Variants in SRPK2 observed in about 807,000 individuals in gnomAD.
The protein encoded by SRPK2 is SFRS protein kinase 2.
Under a neutral mutation model 90.8 loss-of-function variants are expected in SRPK2, and 21 were observed. The observed-to-expected ratio is 0.23, with a 90% CI of 0.16 to 0.33. The LOEUF is 0.33. Ranked by LOEUF, SRPK2 falls within the 10% of genes least tolerant of loss-of-function variation. The pLI, the probability that SRPK2 is intolerant of heterozygous loss-of-function variation, is 1.00. For synonymous variants in SRPK2, 288 were observed against 311.1 expected, an observed-to-expected ratio of 0.93 and a Z score of 0.78; for missense variants, 620 against 869.0, an observed-to-expected ratio of 0.71 and a Z score of 3.60.
intron 2 of SRPK2, among the ~76,000 whole-genome samples, chr7:105,269,680 G>C (rs1805571650): frequency 6.6e-6 from 1 of 152,136 alleles, no homozygotes; most frequent in South Asian, 2.1e-4. Flanking sequence ...CAGACTAAAA[G>C]GGAAGGAAGG....
At chr7:105,359,150 C>CTTTTTTTTTTTTTTTTT (rs35765090) in intron 2 of SRPK2, among the ~76,000 whole-genome samples, 2 of 54,796 alleles carry the variant, frequency 3.6e-5, no homozygotes, top group East Asian at 1.4e-3. Context: ...CAAACCACAG[C>CTTTTTTTTTTTTTTTTT]TTTTTTTTTT....
At chr7:105,166,531 T>C (rs1239678741) in intron 6 of SRPK2, among the ~76,000 whole-genome samples, 2 of 152,226 alleles carry the variant, frequency 1.3e-5, no homozygotes, top group Non-Finnish European at 2.9e-5. Flanking sequence ...ATGGATCAAT[T>C]ATGGCCAGAC....
At chr7:105,348,013 T>G (rs1422934780) in intron 2 of SRPK2, among the ~76,000 whole-genome samples, 1 of 149,926 alleles carries the variant, frequency 6.7e-6, no homozygotes, top group Non-Finnish European at 1.5e-5. Context: ...TTCAAATTAG[T>G]CCATACCAGT....
At chr7:105,203,935 G>A in intron 2 of SRPK2, 150 bp from the exon 3 acceptor site, 2 of 996,692 alleles carry the variant, frequency 2.0e-6, no homozygotes, top group Non-Finnish European at 1.4e-6. Flanking sequence ...CATTTTAGTT[G>A]AATTCAAGTA....
chr7:105,119,696 A>C (rs1584844188), intron 15 of SRPK2, among the ~76,000 whole-genome samples: 1 of 152,192 alleles, frequency 6.6e-6, no homozygotes, highest in Non-Finnish European at 1.5e-5. Flanking sequence ...TCTCCATAAA[A>C]ACAAAGTCTG....
chr7:105,381,745 T>C (rs1470041084), intron 2 of SRPK2, among the ~76,000 whole-genome samples: 1 of 152,036 alleles, frequency 6.6e-6, no homozygotes, highest in Non-Finnish European at 1.5e-5. Context: ...GAAATGAAAA[T>C]TAGGTAATCC....
At chr7:105,386,182 C>T (rs1022127087) in intron 2 of SRPK2, among the ~76,000 whole-genome samples, 2 of 151,876 alleles carry the variant, frequency 1.3e-5, no homozygotes, top group Non-Finnish European at 2.9e-5. Context: ...GGCGTGGTGG[C>T]GGGCGCCTGT....
intron 2 of SRPK2, among the ~76,000 whole-genome samples, chr7:105,387,357 C>G (rs937093172): frequency 6.6e-6 from 1 of 152,202 alleles, no homozygotes; most frequent in African/African-American, 2.4e-5. Flanking sequence ...TTGTAATTCA[C>G]TTGAAAGCTA....
At chr7:105,168,166 T>G (rs1563019782) in intron 4 of SRPK2, 71 bp from the exon 5 acceptor site, 1 of 1,267,378 alleles carries the variant, frequency 7.9e-7, no homozygotes, top group East Asian at 2.5e-5. Flanking sequence ...GTATCCAGGT[T>G]GAGCATCCCT....
chr7:105,354,194 C>G (rs932248105), intron 2 of SRPK2, among the ~76,000 whole-genome samples: 1 of 152,190 alleles, frequency 6.6e-6, no homozygotes, highest in Non-Finnish European at 1.5e-5. Context: ...GGACCAGTCA[C>G]AGGTCTCCCC....
intron 2 of SRPK2, among the ~76,000 whole-genome samples, chr7:105,246,766 T>C (rs1229202706): frequency 6.6e-6 from 1 of 152,254 alleles, no homozygotes. Flanking sequence ...ATTGGAGTAC[T>C]GAAGACAATC....
intron 2 of SRPK2, among the ~76,000 whole-genome samples, chr7:105,362,126 C>A (rs1388964356): frequency 2.0e-5 from 3 of 151,666 alleles, no homozygotes. Flanking sequence ...ACAAATTTAC[C>A]AGAAAAAAAA....
intron 2 of SRPK2, among the ~76,000 whole-genome samples, chr7:105,215,461 T>C (rs1211041547): frequency 6.6e-6 from 1 of 152,202 alleles, no homozygotes; most frequent in African/African-American, 2.4e-5. Flanking sequence ...AAAAAAGAGT[T>C]ATGATGCAGC....
intron 2 of SRPK2, among the ~76,000 whole-genome samples, chr7:105,321,656 C>G (rs994293387): frequency 2.0e-5 from 3 of 151,864 alleles, no homozygotes; most frequent in Non-Finnish European, 4.4e-5. Flanking sequence ...TAGAATCTCT[C>G]AAATAAAATA....
At chr7:105,340,932 A>G (rs946356396) in intron 2 of SRPK2, among the ~76,000 whole-genome samples, 4 of 152,206 alleles carry the variant, frequency 2.6e-5, no homozygotes, top group Admixed American at 2.0e-4. Flanking sequence ...GATATTGTAT[A>G]ATGATATGTG....
chr7:105,149,920 A>G (rs1805371160), intron 7 of SRPK2, among the ~76,000 whole-genome samples: 2 of 152,328 alleles, frequency 1.3e-5, no homozygotes, highest in South Asian at 4.1e-4. Context: ...CTGAGCTCCT[A>G]TCACATGCCA....
chr7:105,162,092 A>G (rs1807744979), intron 6 of SRPK2, among the ~76,000 whole-genome samples: 1 of 152,118 alleles, frequency 6.6e-6, no homozygotes, highest in Non-Finnish European at 1.5e-5. Context: ...CCCAGGCTGG[A>G]GTGCAGTGGC....
At chr7:105,325,374 T>C (rs1454305215) in intron 2 of SRPK2, among the ~76,000 whole-genome samples, 1 of 151,722 alleles carries the variant, frequency 6.6e-6, no homozygotes, top group East Asian at 1.9e-4. Flanking sequence ...AGGAACCCTG[T>C]TGATCCCTCT....
At chr7:105,369,164 C>A (rs1585924318) in intron 2 of SRPK2, among the ~76,000 whole-genome samples, 1 of 109,456 alleles carries the variant, frequency 9.1e-6, no homozygotes, top group East Asian at 3.4e-4. Context: ...TATTATTATT[C>A]GAGATAGAGT....
Sources: allele counts gnomAD v4.1 joint callset (sites outside exome capture counted in the v4.1 genomes callset), GRCh38; gene constraint gnomAD v4.1.1; transcripts MANE v1.5; gene names NCBI Gene and HGNC (gene_info 2026-07-23, HGNC 2026-07-21).